ETV6: variants seen among roughly 807,000 people sequenced by gnomAD.
ETV6 encodes the protein transcription factor ETV6.
Under a neutral mutation model 51.1 loss-of-function variants are expected in ETV6, and 16 were observed. The ratio of observed to expected loss-of-function variants is 0.31; its 90% CI spans 0.21 to 0.48. The LOEUF is 0.48. Ranked by LOEUF, ETV6 falls within the 20% of genes least tolerant of loss-of-function variation. The pLI, the probability that ETV6 is intolerant of heterozygous loss-of-function variation, is 0.99. For missense variants in ETV6, 458 were observed against 594.8 expected, an observed-to-expected ratio of 0.77 and a Z score of 2.39; for synonymous variants, 240 against 224.1, an observed-to-expected ratio of 1.07 and a Z score of -0.64.
intron 1 of ETV6, among the ~76,000 whole-genome samples, chr12:11,679,104 G>A (rs1864476924): frequency 6.6e-6 from 1 of 152,184 alleles, no homozygotes; most frequent in Non-Finnish European, 1.5e-5. Flanking sequence ...ATGTCATTGA[G>A]GTTGAAAGGA....
At chr12:11,792,908 T>A (rs1945623714) in intron 2 of ETV6, among the ~76,000 whole-genome samples, 2 of 152,200 alleles carry the variant, frequency 1.3e-5, no homozygotes, top group Non-Finnish European at 2.9e-5. Flanking sequence ...TAATAGCAAC[T>A]TCTTGTTTAA....
At chr12:11,749,430 C>G (rs1865979420) in intron 1 of ETV6, among the ~76,000 whole-genome samples, 1 of 152,088 alleles carries the variant, frequency 6.6e-6, no homozygotes, top group Admixed American at 6.5e-5. Context: ...AGGTGGGACT[C>G]TCACCACCAC....
At chr12:11,872,136 T>G (rs1300436023) in intron 5 of ETV6, among the ~76,000 whole-genome samples, 1 of 152,266 alleles carries the variant, frequency 6.6e-6, no homozygotes, top group African/African-American at 2.4e-5. Context: ...AGGTAGCTCA[T>G]GACTGCAGTA....
intron 1 of ETV6, among the ~76,000 whole-genome samples, chr12:11,699,157 C>T (rs1864930861): frequency 1.3e-5 from 2 of 152,088 alleles, no homozygotes; most frequent in Admixed American, 1.3e-4. Context: ...AATGAAAGGA[C>T]AACATTCTTT....
chr12:11,740,411 T>G (rs1865787532), intron 1 of ETV6, among the ~76,000 whole-genome samples: 1 of 152,222 alleles, frequency 6.6e-6, no homozygotes, highest in African/African-American at 2.4e-5. Flanking sequence ...GAACCGTTGT[T>G]GAAGCCCCTA....
rs372136648 is a variant in ETV6 at position 11,884,645 on chromosome 12, C to T, written c.1152+58C>T. The T allele has an allele frequency of 1.6e-5, 26 of 1,595,074 alleles. No individual in the cohort carries two copies. In the African/African-American group the frequency reaches 2.1e-4, roughly 13 times the overall value. On this transcript the variant is annotated intron_variant, in intron 6 of 7. Coordinates refer to ENST00000396373, the MANE Select transcript of ETV6 (RefSeq NM_001987.5). Reference sequence around the variant, plus strand: ...TAGTGCCAAAATGAAGTCCTTATCCCTGGATTGGAGGATAATCGTCTGTCT... The same window carrying T: ...TAGTGCCAAAATGAAGTCCTTATCCTTGGATTGGAGGATAATCGTCTGTCT...
chr12:11,807,438 C>T (rs767126281), intron 2 of ETV6, among the ~76,000 whole-genome samples: 5 of 152,226 alleles, frequency 3.3e-5, no homozygotes, highest in South Asian at 2.1e-4. Context: ...GGTCAGAAAA[C>T]GGTAACCCTG....
intron 2 of ETV6, among the ~76,000 whole-genome samples, chr12:11,777,418 G>T (rs1945345947): frequency 6.6e-6 from 1 of 151,812 alleles, no homozygotes; most frequent in Non-Finnish European, 1.5e-5. Context: ...AAGGATTGTG[G>T]GTAGAATTTC....
At chr12:11,792,611 C>T (rs780667794) in intron 2 of ETV6, among the ~76,000 whole-genome samples, 6 of 151,442 alleles carry the variant, frequency 4.0e-5, no homozygotes, top group Non-Finnish European at 8.8e-5. Context: ...TGCTTGAACC[C>T]GGAAGGTGGA....
intron 4 of ETV6, among the ~76,000 whole-genome samples, chr12:11,854,015 A>G (rs1946596027): frequency 6.6e-6 from 1 of 152,150 alleles, no homozygotes; most frequent in Non-Finnish European, 1.5e-5. Flanking sequence ...CATTTCTATT[A>G]TTACATTATC....
intron 2 of ETV6, among the ~76,000 whole-genome samples, chr12:11,832,535 A>G (rs532732172): frequency 6.6e-6 from 1 of 152,328 alleles, no homozygotes; most frequent in African/African-American, 2.4e-5. Context: ...GCTGGGGAAA[A>G]TGTGGGTACG....
At chr12:11,710,669 C>T (rs1865157305) in intron 1 of ETV6, among the ~76,000 whole-genome samples, 1 of 152,154 alleles carries the variant, frequency 6.6e-6, no homozygotes, top group African/African-American at 2.4e-5. Context: ...TGCCTTGGGG[C>T]CCTGCGCTCT....
intron 1 of ETV6, among the ~76,000 whole-genome samples, chr12:11,740,228 G>A (rs1451050373): frequency 2.0e-5 from 3 of 152,180 alleles, no homozygotes; most frequent in African/African-American, 7.2e-5. Flanking sequence ...GGAATATAAA[G>A]TAATACAACC....
chr12:11,791,988 A>AAAAT (rs1331831686), intron 2 of ETV6, among the ~76,000 whole-genome samples: 1 of 152,216 alleles, frequency 6.6e-6, no homozygotes, highest in Non-Finnish European at 1.5e-5. Context: ...GGAGGGTCGT[A>AAAAT]CACATCACTG....
chr12:11,800,609 G>A (rs1303153100), intron 2 of ETV6, among the ~76,000 whole-genome samples: 4 of 152,100 alleles, frequency 2.6e-5, no homozygotes, highest in Non-Finnish European at 4.4e-5. Context: ...GATTCCACAT[G>A]TAAGCGAGAT....
Position 11,812,633 on chromosome 12 carries a change from T to C in ETV6, c.164-26507T>C, listed in dbSNP as rs772721708. On this transcript the variant is annotated intron_variant, in intron 2 of 7. Coordinates refer to ENST00000396373, the MANE Select transcript of ETV6 (RefSeq NM_001987.5). ...GATCTTACCAGAGGCGGGTCTCTTC[T>C]TCCCCCGCCACCGCCCTCAGTATTC... Among the ~76,000 whole-genome samples, 130 of 152,218 alleles carry C rather than the reference T, an allele frequency of 8.5e-4. 1 individual carries two copies. Among genetic ancestry groups the C allele is most frequent in the South Asian group, 2.9e-3 (14 of 4,818 alleles).
At chr12:11,710,552 T>G (rs1407672531) in intron 1 of ETV6, among the ~76,000 whole-genome samples, 2 of 152,204 alleles carry the variant, frequency 1.3e-5, no homozygotes, top group Non-Finnish European at 2.9e-5. Context: ...TAGTCCGACT[T>G]TAGAGCGCTT....
intron 1 of ETV6, among the ~76,000 whole-genome samples, chr12:11,742,801 CTTTCT>C (rs777317646): frequency 4.8e-5 from 3 of 63,046 alleles, no homozygotes; most frequent in Non-Finnish European, 9.0e-5. Flanking sequence ...TCTTTTCTTT[CTTTCT>C]TTTTTTTTTT....
intron 5 of ETV6, among the ~76,000 whole-genome samples, chr12:11,880,032 TAAAAAAAAAAAAAAAAAA>T: frequency 8.5e-6 from 1 of 117,870 alleles, no homozygotes; most frequent in African/African-American, 3.1e-5. Flanking sequence ...GTCAATTGTT[TAAAAAAAAAAAAAAAAAA>T]AGGAAAAAAA....
Sources: gnomAD v4.1 joint callset for allele counts (sites outside exome capture counted in the v4.1 genomes callset) on GRCh38, gnomAD v4.1.1 for gene constraint, MANE v1.5 for transcripts, NCBI Gene and HGNC (gene_info 2026-07-23, HGNC 2026-07-21) for gene names.